The following SRRM1 variants were observed in gnomAD, a reference collection of about 807,000 sequenced individuals.
SRRM1 encodes the protein serine and arginine repetitive matrix 1, also known as serine/arginine repetitive matrix protein 1.
A neutral mutation model predicts 110.2 loss-of-function variants in SRRM1; 19 were observed. The observed-to-expected ratio is 0.17, with a 90% confidence interval of 0.12 to 0.25. The LOEUF (loss-of-function observed/expected upper bound fraction) is 0.25. Among genes scored for constraint, SRRM1 ranks in the 10% least tolerant of loss-of-function variants. The pLI is 1.00. For missense variants in SRRM1, 918 were observed against 1,145.8 expected, an observed-to-expected ratio of 0.80 and a Z score of 2.87; for synonymous variants, 443 against 414.9, an observed-to-expected ratio of 1.07 and a Z score of -0.82.
chr1:24,652,429 C>G lies in SRRM1; in HGVS notation c.726-5C>G. On this transcript the variant is annotated splice_polypyrimidine_tract_variant and splice_region_variant and intron_variant, in intron 6 of 16. Transcript: ENST00000323848. ...AAAAAAAAAAAAAAGCTTTTGTTTC[C>G]ACAGTGACATTCTGAAAGTTCCCAA... The G allele has an allele frequency of 6.7e-7, 1 of 1,498,166 alleles. No individual in the cohort carries two copies. The allele number at this position is 1,498,166 out of a possible 1,614,324, so 92.8% of individuals were successfully genotyped here.
chr1:24,661,284 A>G (rs543394881), intron 10 of SRRM1, 26 bp from the exon 11 acceptor site: 1 of 1,583,776 alleles, frequency 6.3e-7, no homozygotes, highest in Non-Finnish European at 8.7e-7. Flanking sequence ...CTAAAGAAAC[A>G]CTTTCTAAAT....
chr1:24,651,405 C>T lies in SRRM1; in HGVS notation c.522-4C>T. On this transcript the variant is annotated splice_polypyrimidine_tract_variant and splice_region_variant and intron_variant, in intron 5 of 16. Coordinates refer to ENST00000323848, the MANE Select transcript of SRRM1 (RefSeq NM_005839.4). ...AAACCTGAAAAAAATTACTTTCATC[C>T]TAGACGCAAATCCAGATCTCCTTCC... 1 of 1,612,024 alleles carries T rather than the reference C, an allele frequency of 6.2e-7. No individual in the cohort carries two copies. Among genetic ancestry groups the T allele is most frequent in the Non-Finnish European group, 8.5e-7 (1 of 1,179,130 alleles).
chr1:24,647,803 G>A (rs1658423706), intron 3 of SRRM1: 2 of 152,384 alleles, frequency 1.3e-5, no homozygotes, highest in South Asian at 4.1e-4. Context: ...ATGCATCTTA[G>A]AAAACCAGGA....
At chr1:24,650,220 C>A in intron 5 of SRRM1, 134 bp downstream of exon 5, 1 of 795,418 alleles carries the variant, frequency 1.3e-6, no homozygotes, top group Non-Finnish European at 1.8e-6. Flanking sequence ...GTGACCTGTG[C>A]CTTGCCTCTG....
In SRRM1 at chr1:24,671,513, C is replaced by G; in HGVS notation, c.2528C>G (p.Ala843Gly). 1 of 1,612,372 alleles carries G rather than the reference C, an allele frequency of 6.2e-7. No homozygotes were observed. The highest frequency in any genetic ancestry group is 1.1e-5 in the South Asian group (1 of 90,798). Residue 843 changes from alanine to glycine, a missense_variant, in exon 16 of 17, where the codon GCT becomes GGT. Coordinates refer to ENST00000323848, the MANE Select transcript of SRRM1 (RefSeq NM_005839.4). ...AAGGCTGTGGCTGCAGCTGCTGCAG[C>G]TGCTGTGACCCCTGCAGCCATTGCA... ...KEKAVAAAAA[A>G]AVTPAAIAAA... is the part of the protein sequence containing the mutation.
rs142386020 is a variant in SRRM1, at chr1:24,669,481, G to T, written c.2098G>T (p.Val700Phe). 6.2e-7 allele frequency: 1 copy of T among 1,612,920 alleles called. No individual in the cohort carries two copies. The highest frequency in any genetic ancestry group is 1.3e-5 in the African/African-American group (1 of 74,880). The change falls in exon 14 of 17, where the codon GTT becomes TTT. Residue 700 changes from valine (V) to phenylalanine (F), a missense_variant. Val to Phe is a conservative substitution (Grantham distance 50). Transcript: ENST00000323848. ...APQTSSSPPP[V>F]RRGASSSPQR... ...TCAGACCTCCTCAAGTCCTCCACCC[G>T]TTCGAAGAGGAGCGTCGTCATCACC...
chr1:24,662,825 A>G, intron 12 of SRRM1, 21 bp downstream of exon 12: 1 of 1,609,070 alleles, frequency 6.2e-7, no homozygotes, highest in Non-Finnish European at 8.5e-7. Context: ...TGCTTCAGTG[A>G]TGTTCACTGA....
intron 9 of SRRM1, among the ~76,000 whole-genome samples, chr1:24,657,318 T>G (rs1423724451): frequency 6.6e-6 from 1 of 152,236 alleles, no homozygotes; most frequent in Non-Finnish European, 1.5e-5. Context: ...GTTGACTTGG[T>G]CAAGGTCAAC....
intron 12 of SRRM1, among the ~76,000 whole-genome samples, chr1:24,665,945 G>A (rs964505320): frequency 6.6e-6 from 1 of 152,166 alleles, no homozygotes; most frequent in African/African-American, 2.4e-5. Flanking sequence ...AAAATTAAGA[G>A]CTTGGAGCAG....
At chr1:24,663,254 G>T (rs552247579) in intron 12 of SRRM1, 1 of 1,467,420 alleles carries the variant, frequency 6.8e-7, no homozygotes, top group Non-Finnish European at 9.2e-7. Flanking sequence ...GTAAATTAGG[G>T]TTACATGTCA....
At chr1:24,646,906 G>A (rs1447483619) in intron 3 of SRRM1, 117 bp downstream of exon 3, 1 of 848,940 alleles carries the variant, frequency 1.2e-6, no homozygotes, top group East Asian at 2.9e-5. Context: ...AATGTTTGTT[G>A]TGAAAAGAAT....
At chr1:24,668,955 A>G (rs1045420922) in intron 13 of SRRM1, among the ~76,000 whole-genome samples, 168 bp from the exon 14 acceptor site, 1 of 152,178 alleles carries the variant, frequency 6.6e-6, no homozygotes, top group African/African-American at 2.4e-5. Flanking sequence ...GCTGAGATAA[A>G]CAAGTTTTAT....
At chr1:24,666,229 G>A (rs1669927676) in intron 12 of SRRM1, among the ~76,000 whole-genome samples, 1 of 152,126 alleles carries the variant, frequency 6.6e-6, no homozygotes, top group Admixed American at 6.6e-5. Flanking sequence ...AGAATGTTTG[G>A]TATTGTGATC....
chr1:24,644,738 G>T (rs1349014798), intron 1 of SRRM1, among the ~76,000 whole-genome samples: 1 of 152,196 alleles, frequency 6.6e-6, no homozygotes, highest in Non-Finnish European at 1.5e-5. Flanking sequence ...TTCCATCAAA[G>T]TGTTTTGTAG....
chr1:24,646,109 A>C, intron 2 of SRRM1, 36 bp downstream of exon 2: 1 of 1,478,290 alleles, frequency 6.8e-7, no homozygotes, highest in South Asian at 1.1e-5. Context: ...GCATCTTTAT[A>C]GCACACTTAC....
At chr1:24,654,789 G>A (rs1295164908) in intron 8 of SRRM1, 66 bp from the exon 9 acceptor site, 1 of 1,585,444 alleles carries the variant, frequency 6.3e-7, no homozygotes, top group Non-Finnish European at 8.6e-7. Context: ...TGTGTAAACT[G>A]TTCATACCTG....
rs766568476 is a variant in SRRM1, at chr1:24,646,055, A to G, written c.93A>G (p.Ala31=). ...QKKLLKQLKF[A]ECLEKKVDMS... ...AACTACTGAAGCAGCTGAAATTTGCAGAATGCCTAGAAAAAAAGGTATTCT... is the reference window on the plus strand; with the variant it reads ...AACTACTGAAGCAGCTGAAATTTGCGGAATGCCTAGAAAAAAAGGTATTCT... The change falls in exon 2 of 17, where the codon GCA becomes GCG. Residue 31 remains alanine (A), a synonymous_variant. Transcript: ENST00000323848. 2 of 1,612,858 alleles carry G rather than the reference A, an allele frequency of 1.2e-6. No homozygotes were observed. The highest frequency in any genetic ancestry group is 2.2e-5 in the East Asian group (1 of 44,878).
chr1:24,643,774 T>A (rs985003317), intron 1 of SRRM1: 3 of 182,534 alleles, frequency 1.6e-5, no homozygotes, highest in African/African-American at 4.7e-5. Context: ...GGTTTGGGGG[T>A]ACATCTTGGG....
At chr1:24,651,709 CT>C in intron 6 of SRRM1, 97 bp downstream of exon 6, 1 of 1,005,738 alleles carries the variant, frequency 9.9e-7, no homozygotes, top group Non-Finnish European at 1.4e-6. Context: ...ACTTATTTTC[CT>C]TTTAGATTTT....
Sources: allele counts gnomAD v4.1 joint callset (sites outside exome capture counted in the v4.1 genomes callset), GRCh38; gene constraint gnomAD v4.1.1; transcripts MANE v1.5; gene names NCBI Gene and HGNC (gene_info 2026-07-23, HGNC 2026-07-21).